CEP85L: variants seen among roughly 807,000 people sequenced by gnomAD.
The protein encoded by CEP85L is centrosomal protein of 85 kDa-like.
Under a neutral mutation model 100.3 loss-of-function variants are expected in CEP85L, and 60 were observed. That is an observed-to-expected ratio of 0.60 (90% CI 0.49 to 0.74). The LOEUF (loss-of-function observed/expected upper bound fraction) is 0.74, where lower values mean the gene tolerates loss of function less well. Ranked by LOEUF, CEP85L falls within the 30% of genes least tolerant of loss-of-function variation. CEP85L has a pLI of 0.00. For missense variants in CEP85L, 973 were observed against 936.2 expected (o/e 1.04, Z -0.51); for synonymous variants, 319 against 322.7 (o/e 0.99, Z 0.12).
chr6:118,588,703 C>T (rs1781006772), intron 2 of CEP85L, among the ~76,000 whole-genome samples: 1 of 152,190 alleles, frequency 6.6e-6, no homozygotes, highest in South Asian at 2.1e-4. Flanking sequence ...TACTATAACT[C>T]AATACTATAT....
At chr6:118,479,188 T>C (rs1050703908) in intron 10 of CEP85L, among the ~76,000 whole-genome samples, 2 of 152,168 alleles carry the variant, frequency 1.3e-5, no homozygotes, top group African/African-American at 2.4e-5. Context: ...CATACATTTA[T>C]TGATAAATAA....
chr6:118,641,569 A>G (rs1460782364), intron 1 of CEP85L, among the ~76,000 whole-genome samples: 1 of 152,148 alleles, frequency 6.6e-6, no homozygotes, highest in African/African-American at 2.4e-5. Context: ...TGACGGTGAC[A>G]TCCTCCTTTG....
intron 3 of CEP85L, among the ~76,000 whole-genome samples, chr6:118,557,073 C>T (rs1778923050): frequency 6.6e-6 from 1 of 152,080 alleles, no homozygotes; most frequent in African/African-American, 2.4e-5. Context: ...CTATGTGTTC[C>T]AAGCTTGACA....
chr6:118,529,186 A>C (rs1321804841), intron 3 of CEP85L, among the ~76,000 whole-genome samples: 4 of 152,200 alleles, frequency 2.6e-5, no homozygotes, highest in Non-Finnish European at 5.9e-5. Flanking sequence ...GTTATTCAAA[A>C]ACTGTCAATT....
At position 118,461,422 on chromosome 6, in the gene CEP85L, TC is replaced by T. The variant is rs1261095194; in HGVS notation, c.*3982del. 1 of 151,740 alleles carries T rather than the reference TC, an allele frequency of 6.6e-6. No individual in the cohort carries two copies. The highest frequency in any genetic ancestry group is 1.5e-5 in the Non-Finnish European group (1 of 67,906). The allele number at this position is 151,740 out of a possible 1,614,324, so 9.4% of individuals were successfully genotyped here. A position where few individuals can be genotyped will look rare whatever the true frequency, so the allele number is the denominator to read the frequency against. Reference sequence around the variant, plus strand: ...GGCTCCTTGCTTTAAAAAAAAAAATTCCTTAATCAAGTTTATATACAGAAGA... The same window carrying T: ...GGCTCCTTGCTTTAAAAAAAAAAATTCTTAATCAAGTTTATATACAGAAGA... On this transcript the variant is annotated 3_prime_UTR_variant, in exon 13 of 13. Coordinates refer to ENST00000368491, the MANE Select transcript of CEP85L (RefSeq NM_001042475.3).
At chr6:118,561,696 A>T (rs919414226) in intron 3 of CEP85L, among the ~76,000 whole-genome samples, 1 of 152,166 alleles carries the variant, frequency 6.6e-6, no homozygotes, top group Admixed American at 6.5e-5. Context: ...CTATATTAAA[A>T]TGAATGTTCT....
chr6:118,469,137 C>A lies in CEP85L; in HGVS notation c.2189G>T (p.Cys730Phe). The change falls in exon 12 of 13, where the codon TGT becomes TTT. Residue 730 changes from cysteine (C) to phenylalanine (F), a missense_variant. Physicochemically the swap from Cys to Phe is radical, Grantham distance 205. This residue lies in a region of CEP85L where 890 missense variants were observed against 844.5 expected (regional missense o/e 1.05). Transcript: ENST00000368491. ...SCCLFDLKAL[C>F]SILNQRAQGK... is the part of the protein sequence containing the mutation. ...CTGAGCACGCTGATTAAGAATACTA[C>A]ACAATGCTTTCAAGTCAAACAAACA... The A allele has an allele frequency of 6.2e-7, 1 of 1,614,042 alleles. No individual in the cohort carries two copies. The highest frequency in any genetic ancestry group is 8.5e-7 in the Non-Finnish European group (1 of 1,179,936).
intron 5 of CEP85L, among the ~76,000 whole-genome samples, chr6:118,507,382 G>A (rs1775717684): frequency 6.6e-6 from 1 of 152,136 alleles, no homozygotes; most frequent in African/African-American, 2.4e-5. Flanking sequence ...GGACTATTGA[G>A]ACAGCTTCCT....
intron 3 of CEP85L, among the ~76,000 whole-genome samples, chr6:118,539,755 C>T (rs535856332): frequency 1.3e-5 from 2 of 151,818 alleles, no homozygotes; most frequent in African/African-American, 4.8e-5. Flanking sequence ...TCCCTCCCCC[C>T]AAAAAAAGAA....
chr6:118,526,603 G>C (rs909989917), intron 3 of CEP85L, among the ~76,000 whole-genome samples: 2 of 152,172 alleles, frequency 1.3e-5, no homozygotes, highest in African/African-American at 4.8e-5. Context: ...AGCAGAACTG[G>C]TTTCACAAGA....
intron 4 of CEP85L, among the ~76,000 whole-genome samples, chr6:118,513,084 A>G (rs1166992922): frequency 1.3e-5 from 2 of 152,208 alleles, no homozygotes; most frequent in African/African-American, 4.8e-5. Flanking sequence ...TAGACATTAC[A>G]GCACAAAAGT....
chr6:118,556,716 C>A (rs1216252050), intron 3 of CEP85L, among the ~76,000 whole-genome samples: 1 of 152,086 alleles, frequency 6.6e-6, no homozygotes, highest in South Asian at 2.1e-4. Context: ...AATAATATAT[C>A]AACAAATGTT....
At position 118,565,577 on chromosome 6, in the gene CEP85L, T is replaced by C; in HGVS notation, c.972A>G (p.Gln324=). The change falls in exon 3 of 13, where the codon CAA becomes CAG. Residue 324 remains glutamine, a synonymous_variant. Transcript: ENST00000368491. ...GTCGAAAGTCTTCAATTTGCTGCTGTTGCCAAGGAGCTAAACTGTAAGAAT... is the reference window on the plus strand; with the variant it reads ...GTCGAAAGTCTTCAATTTGCTGCTGCTGCCAAGGAGCTAAACTGTAAGAAT... ...TEDSYSLAPW[Q]QQQIEDFRQG... 4 of 1,614,212 alleles carry C rather than the reference T, an allele frequency of 2.5e-6. No homozygotes were observed. Among genetic ancestry groups the C allele is most frequent in the Non-Finnish European group, 3.4e-6 (4 of 1,180,020 alleles).
intron 2 of CEP85L, among the ~76,000 whole-genome samples, chr6:118,572,918 C>A (rs192688027): frequency 2.6e-4 from 40 of 151,924 alleles, no homozygotes; most frequent in African/African-American, 9.7e-4. Context: ...AAAAATTAGC[C>A]GGGCGCAGTG....
rs772201912 is a variant in CEP85L, at chr6:118,566,002, A to C, written c.547T>G (p.Leu183Val). The change falls in exon 3 of 13, where the codon TTG (leucine) becomes GTG (valine). Residue 183 changes from leucine to valine, a missense_variant. Around this residue, in one of 3 missense-constraint regions of CEP85L, gnomAD observed 890 missense variants for 844.5 expected, o/e 1.05. Transcript: ENST00000368491. ...GCCTTAGCCTTCCCTATCTTCTCCA[A>C]ACCATTCCTTGACTCTTCTCTGCAT... The part of the protein sequence containing the change: ...TVCREESRNG[L>V]EKIGKAKALT... The C allele has an allele frequency of 6.2e-7, 1 of 1,614,018 alleles. No individual in the cohort carries two copies. The highest frequency in any genetic ancestry group is 1.3e-5 in the African/African-American group (1 of 74,900).
At chr6:118,577,167 T>C (rs1411449577) in intron 2 of CEP85L, among the ~76,000 whole-genome samples, 1 of 152,098 alleles carries the variant, frequency 6.6e-6, no homozygotes, top group Non-Finnish European at 1.5e-5. Flanking sequence ...AGGGGAAAAT[T>C]TGGCATTCCT....
rs56893664 is a variant in CEP85L, at chr6:118,505,409, C to CAAAAAAAAAAAAAAAAA, written c.1257+5872_1257+5888dup. On this transcript the variant is annotated intron_variant, in intron 5 of 12. Transcript: ENST00000368491. ...TGAGCCAAGATCACGTCACTGTACT[C>CAAAAAAAAAAAAAAAAA]AAAAAAAAAAAAAAAAAAAAAAAAA... Among the ~76,000 whole-genome samples, 12 of 71,818 alleles carry CAAAAAAAAAAAAAAAAA rather than the reference C, an allele frequency of 1.7e-4. 2 individuals are homozygous for CAAAAAAAAAAAAAAAAA. Among genetic ancestry groups the CAAAAAAAAAAAAAAAAA allele is most frequent in the African/African-American group, 3.3e-4 (6 of 18,062 alleles). The allele number at this position is 71,818 out of a possible 152,430, so 47.1% of individuals were successfully genotyped here. A position where few individuals can be genotyped will look rare whatever the true frequency, so the allele number is the denominator to read the frequency against.
intron 1 of CEP85L, among the ~76,000 whole-genome samples, chr6:118,705,721 A>G (rs1380385268): frequency 6.6e-6 from 1 of 152,266 alleles, no homozygotes; most frequent in Non-Finnish European, 1.5e-5. Flanking sequence ...GAGGTGTGTG[A>G]GCCCTTCTCA....
intron 1 of CEP85L, among the ~76,000 whole-genome samples, chr6:118,709,556 T>TGTGTGTGTGTGTGTGAGAGAGA: frequency 7.0e-6 from 1 of 142,324 alleles, no homozygotes; most frequent in South Asian, 2.2e-4. Flanking sequence ...TGTGTGTGTG[T>TGTGTGTGTGTGTGTGAGAGAGA]GAGAGAGAGA....
Sources: allele counts gnomAD v4.1 joint callset (sites outside exome capture counted in the v4.1 genomes callset), GRCh38; gene constraint gnomAD v4.1.1; regional missense constraint gnomAD v4.1.1; transcripts MANE v1.5; gene names NCBI Gene and HGNC (gene_info 2026-07-23, HGNC 2026-07-21).